The following CDH12 variants were observed in gnomAD, a reference collection of about 807,000 sequenced individuals.
The protein encoded by CDH12 is cadherin 12.
CDH12 carries 41 observed loss-of-function variants against 74.1 expected under a neutral mutation model. That is an observed-to-expected ratio of 0.55 (90% CI 0.43 to 0.72). The LOEUF is 0.72. Among genes scored for constraint, CDH12 ranks in the 30% least tolerant of loss-of-function variants. The pLI, the probability that CDH12 is intolerant of heterozygous loss-of-function variation, is 0.00. For missense variants in CDH12, 945 were observed against 977.2 expected, an observed-to-expected ratio of 0.97 and a Z score of 0.44; for synonymous variants, 399 against 355.0, an observed-to-expected ratio of 1.12 and a Z score of -1.39.
chr5:21,809,363 G>T (rs536158041), intron 9 of CDH12, among the ~76,000 whole-genome samples: 1 of 151,964 alleles, frequency 6.6e-6, no homozygotes, highest in Non-Finnish European at 1.5e-5. Flanking sequence ...AATTACAGAG[G>T]GTTTCGTCAC....
intron 3 of CDH12, among the ~76,000 whole-genome samples, chr5:22,344,683 G>T (rs1362930191): frequency 6.6e-6 from 1 of 151,518 alleles, no homozygotes; most frequent in Non-Finnish European, 1.5e-5. Context: ...TGACTCTAAA[G>T]CCTTCATTTA....
In CDH12 at chr5:22,345,200, TA is replaced by T. The variant is rs751216239; in HGVS notation, c.-333+60056del. On this transcript the variant is annotated intron_variant, in intron 3 of 14. Transcript: ENST00000382254. Reference sequence around the variant, plus strand: ...GCGACTCAAATCACTTTAGATTTTTTATTTTCTTTTGGCTTCCACATCATGC... The same window carrying T: ...GCGACTCAAATCACTTTAGATTTTTTTTTTCTTTTGGCTTCCACATCATGC... Among the ~76,000 whole-genome samples, 1,110 of 151,694 alleles carry T rather than the reference TA, an allele frequency of 7.3e-3. 8 individuals carry two copies. The highest frequency in any genetic ancestry group is 0.025 in the African/African-American group (1,045 of 41,358).
chr5:22,155,872 G>A (rs1747991918), intron 4 of CDH12, among the ~76,000 whole-genome samples: 1 of 151,932 alleles, frequency 6.6e-6, no homozygotes, highest in South Asian at 2.1e-4. Flanking sequence ...AATATGCAAC[G>A]ACTCATTCTG....
chr5:22,501,467 T>C (rs1459025984), intron 2 of CDH12, among the ~76,000 whole-genome samples: 1 of 152,054 alleles, frequency 6.6e-6, no homozygotes, highest in Admixed American at 6.6e-5. Context: ...TCTGGTAGAG[T>C]CTACTTTGGA....
intron 1 of CDH12, among the ~76,000 whole-genome samples, chr5:22,516,026 TA>T (rs34263128): frequency 6.6e-6 from 1 of 152,162 alleles, no homozygotes; most frequent in African/African-American, 2.4e-5. Context: ...AACTGTTATT[TA>T]AAAAATAACA....
At chr5:22,743,778 A>G (rs1439785524) in intron 1 of CDH12, among the ~76,000 whole-genome samples, 4 of 152,168 alleles carry the variant, frequency 2.6e-5, no homozygotes, top group African/African-American at 9.7e-5. Flanking sequence ...AAAAATATGT[A>G]ACATTCCTGT....
intron 1 of CDH12, among the ~76,000 whole-genome samples, chr5:22,562,038 C>T (rs1739071543): frequency 1.3e-5 from 2 of 152,154 alleles, no homozygotes; most frequent in African/African-American, 4.8e-5. Flanking sequence ...TACATAGAGG[C>T]CGGGCGCGGT....
chr5:22,075,889 T>C (rs1223703301), intron 5 of CDH12, among the ~76,000 whole-genome samples: 1 of 152,118 alleles, frequency 6.6e-6, no homozygotes. Flanking sequence ...TTTCCTTTTC[T>C]ATGAGTAATC....
At chr5:22,510,600 T>G (rs1736561450) in intron 1 of CDH12, among the ~76,000 whole-genome samples, 1 of 152,172 alleles carries the variant, frequency 6.6e-6, no homozygotes, top group Non-Finnish European at 1.5e-5. Context: ...CGCTCAAGTC[T>G]TTTATGTAAA....
At chr5:22,498,239 T>C (rs1399009714) in intron 2 of CDH12, among the ~76,000 whole-genome samples, 1 of 152,152 alleles carries the variant, frequency 6.6e-6, no homozygotes, top group African/African-American at 2.4e-5. Flanking sequence ...GCTAATTTTC[T>C]GCATAGCATT....
chr5:21,754,681 A>G (rs1744286242), intron 14 of CDH12, among the ~76,000 whole-genome samples: 1 of 152,024 alleles, frequency 6.6e-6, no homozygotes, highest in Non-Finnish European at 1.5e-5. Flanking sequence ...TTTCTTTCCT[A>G]GAGATAAAGT....
intron 11 of CDH12, among the ~76,000 whole-genome samples, chr5:21,771,108 G>T (rs911184313): frequency 2.0e-5 from 3 of 151,968 alleles, no homozygotes; most frequent in African/African-American, 4.8e-5. Context: ...ATTACCTAGT[G>T]ACAAAATAAT....
At chr5:22,103,399 T>C (rs1029381760) in intron 4 of CDH12, among the ~76,000 whole-genome samples, 18 of 152,308 alleles carry the variant, frequency 1.2e-4, no homozygotes, top group African/African-American at 4.3e-4. Context: ...GAGGAAAAGA[T>C]CTTAGCACCT....
At chr5:21,891,572 T>TACACATACACACACACACAC (rs1554041530) in intron 6 of CDH12, among the ~76,000 whole-genome samples, 4 of 144,954 alleles carry the variant, frequency 2.8e-5, no homozygotes, top group Non-Finnish European at 1.5e-5. Context: ...CACACACACA[T>TACACATACACACACACACAC]ACACACACAC....
chr5:22,651,708 T>TC (rs1214749838), intron 1 of CDH12, among the ~76,000 whole-genome samples: 1 of 151,692 alleles, frequency 6.6e-6, no homozygotes, highest in Non-Finnish European at 1.5e-5. Flanking sequence ...GTGGTTTTTT[T>TC]TTTTTCAGAG....
chr5:22,583,150 C>G (rs1337206127), intron 1 of CDH12, among the ~76,000 whole-genome samples: 1 of 152,080 alleles, frequency 6.6e-6, no homozygotes, highest in African/African-American at 2.4e-5. Context: ...GGGTTCTTAC[C>G]AAAGTGTTCA....
chr5:22,404,789 C>G (rs1742868869), intron 3 of CDH12, among the ~76,000 whole-genome samples: 1 of 152,198 alleles, frequency 6.6e-6, no homozygotes, highest in African/African-American at 2.4e-5. Context: ...CCTGGATATT[C>G]TTGGTAACTA....
At chr5:22,058,216 C>T (rs1223586692) in intron 5 of CDH12, among the ~76,000 whole-genome samples, 1 of 152,030 alleles carries the variant, frequency 6.6e-6, no homozygotes, top group Non-Finnish European at 1.5e-5. Flanking sequence ...GCCTCCATGC[C>T]CAGGTAATTT....
At chr5:22,715,935 A>T (rs1743552666) in intron 1 of CDH12, among the ~76,000 whole-genome samples, 1 of 152,018 alleles carries the variant, frequency 6.6e-6, no homozygotes, top group African/African-American at 2.4e-5. Flanking sequence ...TCAGGAGTTC[A>T]AGATGAGCCT....
Sources: allele counts gnomAD v4.1 joint callset (sites outside exome capture counted in the v4.1 genomes callset), GRCh38; gene constraint gnomAD v4.1.1; transcripts MANE v1.5; gene names NCBI Gene and HGNC (gene_info 2026-07-23, HGNC 2026-07-21).